The following MAP1S variants were observed in gnomAD, a reference collection of about 807,000 sequenced individuals.
MAP1S encodes microtubule associated protein 1S.
A neutral mutation model predicts 60.9 loss-of-function variants in MAP1S; 27 were observed. The observed-to-expected ratio is 0.44, with a 90% CI of 0.33 to 0.61. The LOEUF (loss-of-function observed/expected upper bound fraction) is 0.61. MAP1S is among the 20% of genes least tolerant of loss of function. The pLI is 0.03. For missense variants in MAP1S, 1,608 were observed against 1,486.6 expected (o/e 1.08, Z -1.34); for synonymous variants, 826 against 694.2 (o/e 1.19, Z -2.98).
rs1470043842 is a variant in MAP1S at position 17,726,393 on chromosome 19, G to A, written c.1009G>A (p.Val337Met). ...GCTCATCTCCCCCAACCTGGGGGTC[G>A]TGTTCTTCAACGCCTGCGAGGCCGC... ...RRLISPNLGV[V>M]FFNACEAASR... is the part of the protein sequence containing the mutation. Residue 337 changes from valine to methionine, a missense_variant, in exon 5 of 7, where the codon GTG (valine) becomes ATG (methionine). Coordinates refer to ENST00000324096, the MANE Select transcript of MAP1S (RefSeq NM_018174.6). 4 of 1,590,150 alleles carry A rather than the reference G, an allele frequency of 2.5e-6. No homozygotes were observed. The highest frequency in any genetic ancestry group is 1.7e-5 in the Admixed American group (1 of 58,216).
Position 17,726,607 on chromosome 19 carries a change from C to T in MAP1S, c.1223C>T (p.Thr408Met), listed in dbSNP as rs756796787. ...LHPPSAGAER[T>M]LASVCALLVW... is the part of the protein sequence containing the mutation. ...CCGCCCTCCGCCGGCGCCGAGCGCA[C>T]GCTGGCCTCTGTGTGCGCCCTGCTG... is the stretch of plus-strand genomic sequence containing the variant. Residue 408 changes from threonine to methionine, a missense_variant, in exon 5 of 7, where the codon ACG (threonine) becomes ATG (methionine). By Grantham distance (81) the Thr-to-Met change is moderately conservative. Coordinates refer to ENST00000324096, the MANE Select transcript of MAP1S (RefSeq NM_018174.6). 3.2e-6 allele frequency: 5 copies of T among 1,570,558 alleles called. No homozygotes were observed. Among genetic ancestry groups the T allele is most frequent in the African/African-American group, 2.7e-5 (2 of 74,230 alleles).
Position 17,725,810 on chromosome 19 carries a change from C to A in MAP1S, c.445-19C>A, listed in dbSNP as rs760226838. On this transcript the variant is annotated intron_variant, in intron 4 of 6. Transcript: ENST00000324096. The surrounding 1 kb of genome is among the most constrained non-coding windows in gnomAD (Gnocchi z 4.2). ...TTGCCTGGCTCTAGGTGGTCCCTTA[C>A]CACTCCTCCTCCATACAGATCCGGG... 5.6e-6 allele frequency: 9 copies of A among 1,598,612 alleles called. No individual in the cohort carries two copies. Among genetic ancestry groups the A allele is most frequent in the Admixed American group, 5.2e-5 (3 of 57,250 alleles).
In MAP1S at chr19:17,726,134, C is replaced by G. The variant is rs115609579; in HGVS notation, c.750C>G (p.Leu250=). 1.9e-6 allele frequency: 3 copies of G among 1,613,856 alleles called. No individual in the cohort carries two copies. The highest frequency in any genetic ancestry group is 2.7e-5 in the African/African-American group (2 of 74,932). The stretch of plus-strand genomic sequence containing the variant: ...GCTGCTACATCTTCCCTGGAGGCCT[C>G]GGGGATGCCGCCTTCTTCGCCGTCA... ...RPCCYIFPGG[L]GDAAFFAVNG... is the part of the protein sequence containing the mutation. The change falls in exon 5 of 7, where the codon CTC becomes CTG. Residue 250 remains leucine, a synonymous_variant. Coordinates refer to ENST00000324096, the MANE Select transcript of MAP1S (RefSeq NM_018174.6).
At position 17,728,144 on chromosome 19, in the gene MAP1S, C is replaced by T; in HGVS notation, c.2760C>T (p.Thr920=). 6 of 1,601,922 alleles carry T rather than the reference C, an allele frequency of 3.7e-6. No individual in the cohort carries two copies. The highest frequency in any genetic ancestry group is 5.1e-6 in the Non-Finnish European group (6 of 1,172,636). ...GRAPLSRKSS[T]PKTATRGPSG... is the part of the protein sequence containing the mutation. The stretch of plus-strand genomic sequence containing the variant: ...CACCCCTGTCCAGAAAGTCCTCAAC[C>T]CCCAAGACTGCCACTCGAGGCCCGT... The change falls in exon 5 of 7, where the codon ACC becomes ACT. Residue 920 remains threonine (T), a synonymous_variant. Coordinates refer to ENST00000324096, the MANE Select transcript of MAP1S (RefSeq NM_018174.6).
At position 17,727,784 on chromosome 19, in the gene MAP1S, G is replaced by T. The variant is rs1469589481; in HGVS notation, c.2400G>T (p.Val800=). The change falls in exon 5 of 7, where the codon GTG becomes GTT. Residue 800 remains valine (V), a synonymous_variant. Coordinates refer to ENST00000324096, the MANE Select transcript of MAP1S (RefSeq NM_018174.6). The surrounding 1 kb of genome is among the most constrained non-coding windows in gnomAD (Gnocchi z 4.1). The stretch of plus-strand genomic sequence containing the variant: ...CCACCCTGTCTGACTCGGATCCCGT[G>T]CCCCTGGCCCCCGGTGCGGCAGACT... ...SLPTLSDSDP[V]PLAPGAADSD... is the part of the protein sequence containing the mutation. 6.2e-7 allele frequency: 1 copy of T among 1,611,700 alleles called. No homozygotes were observed. Among genetic ancestry groups the T allele is most frequent in the South Asian group, 1.1e-5 (1 of 90,832 alleles).
At position 17,726,641 on chromosome 19, in the gene MAP1S, C is replaced by A; in HGVS notation, c.1257C>A (p.His419Gln). 6.4e-7 allele frequency: 1 copy of A among 1,572,136 alleles called. No homozygotes were observed. The highest frequency in any genetic ancestry group is 8.6e-7 in the Non-Finnish European group (1 of 1,163,050). The change falls in exon 5 of 7, where the codon CAC (histidine) becomes CAA (glutamine). Residue 419 changes from histidine (H) to glutamine (Q), a missense_variant. By Grantham distance (24) the His-to-Gln change is conservative. This residue lies in a region of MAP1S where 1,167 missense variants were observed against 961.4 expected (regional missense o/e 1.21). Coordinates refer to ENST00000324096, the MANE Select transcript of MAP1S (RefSeq NM_018174.6). The part of the protein sequence containing the change: ...LASVCALLVW[H>Q]PAGPGEKVVR... ...CTGTGTGCGCCCTGCTGGTGTGGCA[C>A]CCCGCCGGCCCCGGCGAGAAGGTGG...
Position 17,724,137 on chromosome 19 carries a change from C to G in MAP1S, c.232C>G (p.Leu78Val). The change falls in exon 3 of 7, where the codon CTG (leucine) becomes GTG (valine). Residue 78 changes from leucine (L) to valine (V), a missense_variant. Around this residue, in one of 4 missense-constraint regions of MAP1S, gnomAD observed 320 missense variants for 393.1 expected, o/e 0.81. Coordinates refer to ENST00000324096, the MANE Select transcript of MAP1S (RefSeq NM_018174.6). The stretch of plus-strand genomic sequence containing the variant: ...TGATTCCCCCACAGGCCAGCGGAGC[C>G]TGCACCACCGTGGAGACAACCTGGA... ...FSSIVKGQRS[L>V]HHRGDNLETL... The G allele has an allele frequency of 6.2e-7, 1 of 1,613,864 alleles. No homozygotes were observed. The highest frequency in any genetic ancestry group is 8.5e-7 in the Non-Finnish European group (1 of 1,179,942).
chr19:17,719,997 G>A (rs1181179057), intron 1 of MAP1S: 3 of 514,508 alleles, frequency 5.8e-6, no homozygotes, highest in Non-Finnish European at 7.7e-6. Flanking sequence ...GGATCTCCAG[G>A]TCTTAGCAGC....
rs765975081 is a variant in MAP1S, at chr19:17,734,303, G to A, written c.3055G>A (p.Ala1019Thr). Residue 1019 changes from alanine to threonine, a missense_variant, in exon 7 of 7, where the codon GCC becomes ACC. By Grantham distance (58) the Ala-to-Thr change is moderately conservative (BLOSUM62 0). Transcript: ENST00000324096. ...VTLIPTFDSVAMHTWYAETHA... is the reference protein window; with the variant it reads ...VTLIPTFDSVTMHTWYAETHA... ...CCTGATCCCCACTTTCGACTCGGTG[G>A]CCATGCATACGTGGTACGCAGAGAC... is the stretch of plus-strand genomic sequence containing the variant. 1 of 1,613,674 alleles carries A rather than the reference G, an allele frequency of 6.2e-7. No homozygotes were observed. Among genetic ancestry groups the A allele is most frequent in the Non-Finnish European group, 8.5e-7 (1 of 1,179,746 alleles).
At position 17,726,957 on chromosome 19, in the gene MAP1S, T is replaced by TTGA; in HGVS notation, c.1574_1576dup (p.Leu525_Lys526insMet). On this transcript the variant is annotated inframe_insertion, in exon 5 of 7. Coordinates refer to ENST00000324096, the MANE Select transcript of MAP1S (RefSeq NM_018174.6). Reference sequence around the variant, plus strand: ...GAAAGAAGCCAAGACCCCCCGGGAGTTGAAGAAAGACCCCAAACCGAGTGT... The same window carrying TTGA: ...GAAAGAAGCCAAGACCCCCCGGGAGTTGATGAAGAAAGACCCCAAACCGAGTGT... 1.3e-6 allele frequency: 2 copies of TTGA among 1,573,428 alleles called. No individual in the cohort carries two copies. The highest frequency in any genetic ancestry group is 2.3e-5 in the South Asian group (2 of 86,018).
At position 17,724,222 on chromosome 19, in the gene MAP1S, G is replaced by A. The variant is rs200788730; in HGVS notation, c.303+14G>A. The A allele has an allele frequency of 8.9e-5, 144 of 1,611,658 alleles. No individual in the cohort carries two copies. The highest frequency in any genetic ancestry group is 6.7e-5 in the Admixed American group (4 of 59,998). ...CTGTATGATGAGGTAGGGAATGGCT[G>A]ACGTCCTGGAGGGGGCGGGCTGCTG... is the stretch of plus-strand genomic sequence containing the variant. On this transcript the variant is annotated intron_variant, in intron 3 of 6. Transcript: ENST00000324096.
Position 17,727,175 on chromosome 19 carries a change from C to T in MAP1S, c.1791C>T (p.Ala597=), listed in dbSNP as rs776675875. The T allele has an allele frequency of 7.0e-6, 11 of 1,581,276 alleles. No homozygotes were observed. The East Asian group carries it at 2.5e-4, about 36-fold the overall frequency. The change falls in exon 5 of 7, where the codon GCC becomes GCT. Residue 597 remains alanine (A), a synonymous_variant. Transcript: ENST00000324096. The surrounding 1 kb of genome is among the most constrained non-coding windows in gnomAD (Gnocchi z 4.1). ...GAGAAGCCAGCCCCCCCAGTGCAGC[C>T]TGCGGCTCTCCGGCCTCCCAGCTGG... ...RCGEASPPSA[A]CGSPASQLVA...
At chr19:17,729,512 T>C (rs1014857740) in intron 5 of MAP1S, among the ~76,000 whole-genome samples, 1 of 152,016 alleles carries the variant, frequency 6.6e-6, no homozygotes, top group Admixed American at 6.6e-5. Context: ...TGCTGTTCTT[T>C]GTTTTTTTTC....
At chr19:17,734,222 C>A (rs767067635) in intron 6 of MAP1S, 51 bp from the exon 7 acceptor site, 3 of 1,495,210 alleles carry the variant, frequency 2.0e-6, no homozygotes, top group African/African-American at 2.8e-5. Context: ...GCAGGGGGCA[C>A]CCCCCTCACT....
chr19:17,724,054 AGG>A, intron 2 of MAP1S, 70 bp from the exon 3 acceptor site: 1 of 1,201,314 alleles, frequency 8.3e-7, no homozygotes, highest in Non-Finnish European at 1.2e-6. Flanking sequence ...GGGTTCCCAG[AGG>A]GGTTCATGTT....
rs755070623 is a variant in MAP1S at position 17,726,624 on chromosome 19, G to A, written c.1240G>A (p.Ala414Thr). The change falls in exon 5 of 7, where the codon GCC becomes ACC. Residue 414 changes from alanine (A) to threonine (T), a missense_variant. Transcript: ENST00000324096. ...GAERTLASVCALLVWHPAGPG... is the reference protein window; with the variant it reads ...GAERTLASVCTLLVWHPAGPG... ...CGAGCGCACGCTGGCCTCTGTGTGC[G>A]CCCTGCTGGTGTGGCACCCCGCCGG... 6.4e-7 allele frequency: 1 copy of A among 1,572,434 alleles called. No individual in the cohort carries two copies. The highest frequency in any genetic ancestry group is 1.8e-5 in the Admixed American group (1 of 55,180).
Position 17,733,344 on chromosome 19 carries a change from C to T in MAP1S, c.2940C>T (p.Gly980=). ...GCGCGCTCTGCTACGTCATCAGTGG[C>T]CAGGACCAGCGCAAGGAGGAAGGCA... ...RVRALCYVIS[G]QDQRKEEGMR... The change falls in exon 6 of 7, where the codon GGC becomes GGT. Residue 980 remains glycine (G), a synonymous_variant. Coordinates refer to ENST00000324096, the MANE Select transcript of MAP1S (RefSeq NM_018174.6). 2 of 1,609,882 alleles carry T rather than the reference C, an allele frequency of 1.2e-6. No homozygotes were observed. Among genetic ancestry groups the T allele is most frequent in the Non-Finnish European group, 1.7e-6 (2 of 1,178,816 alleles).
intron 5 of MAP1S, among the ~76,000 whole-genome samples, chr19:17,731,050 C>T (rs954681843): frequency 1.3e-5 from 2 of 152,048 alleles, no homozygotes; most frequent in Non-Finnish European, 2.9e-5. Flanking sequence ...CACCACCACA[C>T]CTGGCTAATT....
chr19:17,720,408 C>A, intron 1 of MAP1S: 1 of 1,535,018 alleles, frequency 6.5e-7, no homozygotes, highest in Non-Finnish European at 8.7e-7. Context: ...GGATGATAGA[C>A]AGGTTCAGCC....
Sources: allele counts gnomAD v4.1 joint callset (sites outside exome capture counted in the v4.1 genomes callset), GRCh38; gene constraint gnomAD v4.1.1; regional missense constraint gnomAD v4.1.1; non-coding constraint Gnocchi (gnomAD v3.1); transcripts MANE v1.5; gene names NCBI Gene and HGNC (gene_info 2026-07-23, HGNC 2026-07-21).